DPP6: variants seen among roughly 807,000 people sequenced by gnomAD.
The protein encoded by DPP6 is dipeptidyl peptidase like 6.
In DPP6, 69 loss-of-function variants were observed where a neutral mutation model predicts 122.6. That is an observed-to-expected ratio of 0.56 (90% CI 0.46 to 0.69). DPP6 has a LOEUF of 0.69. DPP6 is among the 30% of genes least tolerant of loss of function. The pLI is 0.00. For synonymous variants in DPP6, 418 were observed against 433.1 expected (o/e 0.97, Z 0.43); for missense variants, 928 against 1,116.9 (o/e 0.83, Z 2.41).
chr7:154,052,248 G>A (rs1800394234), upstream of DPP6, among the ~76,000 whole-genome samples: 1 of 151,910 alleles, frequency 6.6e-6, no homozygotes, highest in African/African-American at 2.4e-5. This position sits in a 1 kb window ranked among gnomAD's most constrained non-coding sequence, Gnocchi z 4.8. Flanking sequence ...CCTTTTGTGC[G>A]ACCCCGTGCC....
chr7:154,869,259 T>G (rs1804168480), intron 18 of DPP6, among the ~76,000 whole-genome samples: 1 of 152,124 alleles, frequency 6.6e-6, no homozygotes, highest in African/African-American at 2.4e-5. Context: ...GGCAGCCCCC[T>G]TGTGCTCAGC....
At chr7:154,077,373 T>G (rs1803631497) in intron 1 of DPP6, among the ~76,000 whole-genome samples, 1 of 152,208 alleles carries the variant, frequency 6.6e-6, no homozygotes, top group Admixed American at 6.5e-5. Flanking sequence ...CCCTTTATTT[T>G]TCATCCCATA....
At chr7:154,301,979 G>A (rs570685012) in intron 1 of DPP6, among the ~76,000 whole-genome samples, 84 of 151,862 alleles carry the variant, frequency 5.5e-4, no homozygotes, top group African/African-American at 8.5e-4. Flanking sequence ...CACCACGCCC[G>A]GCTAATTTTT....
intron 1 of DPP6, among the ~76,000 whole-genome samples, chr7:154,295,352 A>G (rs1307260303): frequency 6.6e-6 from 1 of 152,214 alleles, no homozygotes; most frequent in African/African-American, 2.4e-5. Context: ...CACCCAAGCT[A>G]TCCATCAAAC....
intron 21 of DPP6, among the ~76,000 whole-genome samples, chr7:154,883,372 G>C (rs1407598714): frequency 2.9e-5 from 3 of 102,652 alleles, no homozygotes; most frequent in Non-Finnish European, 5.7e-5. Context: ...TCACACACAC[G>C]ATTACATACA....
intron 7 of DPP6, among the ~76,000 whole-genome samples, chr7:154,712,606 A>G (rs1444476270): frequency 6.6e-6 from 1 of 152,230 alleles, no homozygotes; most frequent in African/African-American, 2.4e-5. Context: ...ACCTCTTCAC[A>G]GGGTGGCAGA....
At chr7:154,702,960 G>C (rs965429788) in intron 7 of DPP6, among the ~76,000 whole-genome samples, 1 of 152,252 alleles carries the variant, frequency 6.6e-6, no homozygotes, top group Non-Finnish European at 1.5e-5. Context: ...AGGGGTTGAA[G>C]TAGCTGGTGA....
chr7:154,300,075 G>A (rs184114844), intron 1 of DPP6, among the ~76,000 whole-genome samples: 130 of 152,346 alleles, frequency 8.5e-4, no homozygotes, highest in African/African-American at 2.9e-3. Context: ...TTGTCAGGCT[G>A]GTTGCAGGTA....
chr7:154,867,465 C>T (rs1286320746), intron 17 of DPP6, among the ~76,000 whole-genome samples: 1 of 152,238 alleles, frequency 6.6e-6, no homozygotes, highest in Non-Finnish European at 1.5e-5. Flanking sequence ...CCACTGTCCA[C>T]AAATACAGTC....
At chr7:154,049,505 G>A (rs1387639620), upstream of DPP6, among the ~76,000 whole-genome samples, 9 of 129,888 alleles carry the variant, frequency 6.9e-5, no homozygotes, top group African/African-American at 2.5e-4. Flanking sequence ...CGACTGCAAT[G>A]TGTGTATCCG....
chr7:153,775,333 ATAAAT>A, the DPP6 span, among the ~76,000 whole-genome samples: 10 of 146,950 alleles, frequency 6.8e-5, no homozygotes, highest in Middle Eastern at 3.5e-3. Flanking sequence ...GAATTTGAAA[ATAAAT>A]TATAATATCC....
intron 17 of DPP6, among the ~76,000 whole-genome samples, chr7:154,866,366 C>T (rs1348971648): frequency 2.0e-5 from 3 of 152,200 alleles, no homozygotes; most frequent in African/African-American, 4.8e-5. Flanking sequence ...TGAGTGCTGC[C>T]GCCCATCCAT....
At chr7:153,752,066 A>G in the DPP6 span, among the ~76,000 whole-genome samples, 1 of 152,194 alleles carries the variant, frequency 6.6e-6, no homozygotes, top group Non-Finnish European at 1.5e-5. Context: ...TAGGACCTTC[A>G]TGGTAGGAGT....
the DPP6 span, among the ~76,000 whole-genome samples, chr7:153,866,366 C>A: frequency 2.6e-5 from 4 of 152,166 alleles, no homozygotes; most frequent in Admixed American, 6.5e-5. Context: ...GAGATGGTAT[C>A]TCATTGTGGT....
intron 7 of DPP6, among the ~76,000 whole-genome samples, chr7:154,697,145 G>T (rs1045386663): frequency 6.6e-6 from 1 of 152,160 alleles, no homozygotes; most frequent in African/African-American, 2.4e-5. Context: ...TCACACAGGG[G>T]CACAGTATTG....
chr7:154,130,096 A>G (rs1376894545), intron 1 of DPP6, among the ~76,000 whole-genome samples: 2 of 151,100 alleles, frequency 1.3e-5, no homozygotes, highest in African/African-American at 2.5e-5. Flanking sequence ...CCCCCCACAC[A>G]CACAAAAAAA....
Position 154,620,513 on chromosome 7 carries a change from G to A in DPP6, c.628-17308G>A, listed in dbSNP as rs113782632. 1.6e-4 allele frequency among the ~76,000 whole-genome samples: 25 copies of A among 152,278 alleles called. No individual in the cohort carries two copies. In the South Asian group the frequency reaches 4.2e-3, roughly 25 times the overall value. ...TGTAGAACACAAAATTTCACTACAC[G>A]CAGAATTGCCAATTAGGATGGGAGG... On this transcript the variant is annotated intron_variant, in intron 5 of 25. Coordinates refer to ENST00000377770, the MANE Select transcript of DPP6 (RefSeq NM_130797.4).
intron 1 of DPP6, among the ~76,000 whole-genome samples, chr7:154,114,944 A>G (rs997923752): frequency 4.6e-5 from 7 of 152,166 alleles, no homozygotes; most frequent in African/African-American, 1.7e-4. Context: ...GGAGTGGAGG[A>G]AGGAGAGGTA....
chr7:154,032,272 G>A (rs1799283671), intron 1 of DPP6, among the ~76,000 whole-genome samples: 1 of 152,140 alleles, frequency 6.6e-6, no homozygotes, highest in African/African-American at 2.4e-5. Flanking sequence ...GACGTTGCAG[G>A]TGGAGGTCAG....
Sources: gnomAD v4.1 joint callset for allele counts (sites outside exome capture counted in the v4.1 genomes callset) on GRCh38, gnomAD v4.1.1 for gene constraint, Gnocchi (gnomAD v3.1) non-coding constraint, MANE v1.5 for transcripts, NCBI Gene and HGNC (gene_info 2026-07-23, HGNC 2026-07-21) for gene names.